The following CCDC158 variants were observed in gnomAD, a reference collection of about 807,000 sequenced individuals.
CCDC158 encodes coiled-coil domain-containing protein 158.
A neutral mutation model predicts 138.6 loss-of-function variants in CCDC158; 116 were observed. That is an observed-to-expected ratio of 0.84 (90% confidence interval 0.72 to 0.98). The LOEUF is 0.98. CCDC158 is among the 50% of genes least tolerant of loss of function. The pLI, the probability that CCDC158 is intolerant of heterozygous loss-of-function variation, is 0.00. For missense variants in CCDC158, 1,265 were observed against 1,306.1 expected (o/e 0.97, Z 0.48); for synonymous variants, 436 against 442.4 (o/e 0.99, Z 0.18).
chr4:76,371,883 A>T (rs953500825), intron 9 of CCDC158, among the ~76,000 whole-genome samples: 7 of 151,044 alleles, frequency 4.6e-5, no homozygotes, highest in African/African-American at 1.7e-4. Flanking sequence ...GGTTGCAGTG[A>T]GTCAAGATCG....
At chr4:76,324,890 C>A (rs79272096) in intron 23 of CCDC158, among the ~76,000 whole-genome samples, 5 of 152,188 alleles carry the variant, frequency 3.3e-5, no homozygotes, top group East Asian at 1.9e-4. Flanking sequence ...CAAGGATCCA[C>A]CACCTTGTTT....
At chr4:76,320,378 AC>A (rs1246614843) in intron 24 of CCDC158, among the ~76,000 whole-genome samples, 1 of 152,226 alleles carries the variant, frequency 6.6e-6, no homozygotes, top group Non-Finnish European at 1.5e-5. Flanking sequence ...AAAGCAATCT[AC>A]AAATTCAATG....
At chr4:76,421,403 C>T (rs1176682204), upstream of CCDC158, among the ~76,000 whole-genome samples, 1 of 152,072 alleles carries the variant, frequency 6.6e-6, no homozygotes, top group Non-Finnish European at 1.5e-5. Flanking sequence ...AGCCCGGAGT[C>T]AAATCCTGGA....
chr4:76,331,467 A>G (rs1721005982), intron 20 of CCDC158, 64 bp from the exon 21 acceptor site: 27 of 1,368,894 alleles, frequency 2.0e-5, no homozygotes, highest in Non-Finnish European at 2.6e-5. Flanking sequence ...CAATATAACA[A>G]AAGTTTGTGA....
At chr4:76,331,276 G>C in intron 21 of CCDC158, 68 bp downstream of exon 21, 3 of 1,369,922 alleles carry the variant, frequency 2.2e-6, no homozygotes, top group Non-Finnish European at 3.1e-6. Flanking sequence ...GACAGTTAAA[G>C]ATCTTTTGAA....
chr4:76,350,571 T>C (rs1360703848), intron 18 of CCDC158, among the ~76,000 whole-genome samples: 1 of 152,200 alleles, frequency 6.6e-6, no homozygotes, highest in Non-Finnish European at 1.5e-5. Flanking sequence ...CCAAAGTTTC[T>C]AATATTTTAA....
chr4:76,383,381 C>G (rs974697424), intron 7 of CCDC158, among the ~76,000 whole-genome samples: 17 of 152,192 alleles, frequency 1.1e-4, no homozygotes, highest in Non-Finnish European at 2.4e-4. Flanking sequence ...ACCATGCCCC[C>G]TGGCTATAAA....
At chr4:76,375,524 C>CT (rs996909103) in intron 9 of CCDC158, 5 of 701,290 alleles carry the variant, frequency 7.1e-6, no homozygotes, top group Non-Finnish European at 1.3e-5. Flanking sequence ...TAAATCATCA[C>CT]TTTTTTAATA....
intron 18 of CCDC158, among the ~76,000 whole-genome samples, chr4:76,343,409 A>G (rs948063968): frequency 1.3e-5 from 2 of 152,232 alleles, no homozygotes; most frequent in Non-Finnish European, 2.9e-5. Context: ...AAGGGTCACC[A>G]AGCATTAAAA....
rs1420974990 is a variant in CCDC158 at position 76,369,642 on chromosome 4, G to A, written c.1150-19C>T. 1.3e-6 allele frequency: 2 copies of A among 1,578,214 alleles called. No homozygotes were observed. The highest frequency in any genetic ancestry group is 1.7e-5 in the Admixed American group (1 of 58,882). Reference sequence around the variant, plus strand: ...GATCAGCCTAAAAAAAGAGAGGAATGCTTTTTTCCTCCCTGCTATTAAATA... The same window carrying A: ...GATCAGCCTAAAAAAAGAGAGGAATACTTTTTTCCTCCCTGCTATTAAATA... On this transcript the variant is annotated intron_variant, in intron 10 of 24. Coordinates refer to ENST00000682701, the MANE Select transcript of CCDC158 (RefSeq NM_001394954.1).
chr4:76,383,341 C>T (rs1726456199), intron 7 of CCDC158, among the ~76,000 whole-genome samples: 1 of 152,138 alleles, frequency 6.6e-6, no homozygotes, highest in Non-Finnish European at 1.5e-5. Context: ...GATGCCTTTT[C>T]TCAGTAATTT....
At chr4:76,360,854 A>G (rs986044605) in intron 13 of CCDC158, among the ~76,000 whole-genome samples, 4 of 152,118 alleles carry the variant, frequency 2.6e-5, no homozygotes, top group African/African-American at 9.7e-5. Context: ...ACTTTGGGGG[A>G]CCATTGGGAA....
chr4:76,327,278 A>C (rs962073464), intron 22 of CCDC158, among the ~76,000 whole-genome samples: 15 of 152,186 alleles, frequency 9.9e-5, no homozygotes, highest in African/African-American at 3.6e-4. Context: ...CCCAAGCCAA[A>C]GATTATTTAA....
chr4:76,371,579 T>G, intron 9 of CCDC158, 43 bp from the exon 10 acceptor site: 1 of 1,594,574 alleles, frequency 6.3e-7, no homozygotes, highest in Non-Finnish European at 8.6e-7. Context: ...ATTATGACAG[T>G]GGGTAATATA....
rs192533065 is a variant in CCDC158, at chr4:76,390,334, G to C, written c.289-5669C>G. On this transcript the variant is annotated intron_variant, in intron 4 of 24. Coordinates refer to ENST00000682701, the MANE Select transcript of CCDC158 (RefSeq NM_001394954.1). ...AGATAATGGTTTATAAGAGAGTATT[G>C]CAAGCCTCATGGTAACCTCAAAGGT... Among the ~76,000 whole-genome samples, 582 of 152,074 alleles carry C rather than the reference G, an allele frequency of 3.8e-3. 1 individual carries two copies. Among genetic ancestry groups the C allele is most frequent in the African/African-American group, 0.012 (519 of 41,524 alleles).
At chr4:76,334,197 AT>A (rs745557636) in intron 18 of CCDC158, 30 bp from the exon 19 acceptor site, 6 of 1,478,712 alleles carry the variant, frequency 4.1e-6, no homozygotes, top group Non-Finnish European at 5.4e-6. Context: ...AAAGACACTT[AT>A]TTTTTCAGAT....
At chr4:76,333,308 G>A (rs1161581200) in intron 19 of CCDC158, among the ~76,000 whole-genome samples, 2 of 152,012 alleles carry the variant, frequency 1.3e-5, no homozygotes, top group African/African-American at 4.8e-5. Context: ...ATCAGAAAAT[G>A]AATATTACAA....
chr4:76,387,999 C>T (rs1339560179), intron 4 of CCDC158, among the ~76,000 whole-genome samples: 2 of 151,832 alleles, frequency 1.3e-5, no homozygotes, highest in Non-Finnish European at 1.5e-5. Context: ...GGTGACAGAA[C>T]ATAACTCCAT....
chr4:76,403,860 C>T (rs1017811439), intron 2 of CCDC158, among the ~76,000 whole-genome samples: 4 of 152,028 alleles, frequency 2.6e-5, no homozygotes, highest in African/African-American at 7.3e-5. Flanking sequence ...AAACAATTCC[C>T]GCAGCCCACC....
Sources: allele counts gnomAD v4.1 joint callset (sites outside exome capture counted in the v4.1 genomes callset), GRCh38; gene constraint gnomAD v4.1.1; transcripts MANE v1.5; gene names NCBI Gene and HGNC (gene_info 2026-07-23, HGNC 2026-07-21).